Variants in NAALADL2 observed in about 807,000 individuals in gnomAD.
NAALADL2 encodes the protein inactive N-acetylated-alpha-linked acidic dipeptidase-like protein 2.
Under a neutral mutation model 87.2 loss-of-function variants are expected in NAALADL2, and 76 were observed. That is an observed-to-expected ratio of 0.87 (90% CI 0.72 to 1.05). NAALADL2 has a LOEUF of 1.05. Ranked by LOEUF, NAALADL2 falls within the 50% of genes least tolerant of loss-of-function variation. NAALADL2 has a pLI of 0.00. For synonymous variants in NAALADL2, 354 were observed against 331.0 expected, an observed-to-expected ratio of 1.07 and a Z score of -0.75; for missense variants, 1,089 against 945.8, an observed-to-expected ratio of 1.15 and a Z score of -1.99.
At chr3:174,875,532 A>G (rs1385868404) in intron 1 of NAALADL2, among the ~76,000 whole-genome samples, 1 of 152,176 alleles carries the variant, frequency 6.6e-6, no homozygotes, top group Non-Finnish European at 1.5e-5. Flanking sequence ...CAGTAATCTC[A>G]ACAGCATTAA....
intron 1 of NAALADL2, among the ~76,000 whole-genome samples, chr3:174,502,519 A>C (rs2108371858): frequency 6.6e-6 from 1 of 152,284 alleles, no homozygotes; most frequent in South Asian, 2.1e-4. Flanking sequence ...TCATTAAATT[A>C]CCTCAAATCT....
intron 1 of NAALADL2, among the ~76,000 whole-genome samples, chr3:174,478,105 A>G (rs1281742612): frequency 6.6e-6 from 1 of 152,182 alleles, no homozygotes; most frequent in Non-Finnish European, 1.5e-5. Context: ...TCCAATTATG[A>G]TACAAAATTT....
chr3:174,859,237 A>G (rs1470983059), upstream of NAALADL2: 1 of 600,302 alleles, frequency 1.7e-6, no homozygotes, highest in Admixed American at 2.8e-5. Flanking sequence ...TCATAGTAAA[A>G]CAGGTCCTGC....
At chr3:175,620,417 A>G (rs1726050929) in intron 10 of NAALADL2, among the ~76,000 whole-genome samples, 1 of 152,196 alleles carries the variant, frequency 6.6e-6, no homozygotes, top group African/African-American at 2.4e-5. Flanking sequence ...AAACTAAAAG[A>G]GATGCCAGCA....
intron 1 of NAALADL2, among the ~76,000 whole-genome samples, chr3:174,940,912 G>T (rs1405823054): frequency 6.6e-6 from 1 of 151,602 alleles, no homozygotes; most frequent in Non-Finnish European, 1.5e-5. Flanking sequence ...TTCTTTATTG[G>T]TCTAGCTAGC....
chr3:175,197,436 G>T (rs71312320), intron 2 of NAALADL2, among the ~76,000 whole-genome samples: 1 of 151,726 alleles, frequency 6.6e-6, no homozygotes, highest in Non-Finnish European at 1.5e-5. Context: ...ATTAGTCTGC[G>T]AAGTTTTTCA....
intron 5 of NAALADL2, among the ~76,000 whole-genome samples, chr3:175,420,990 T>C (rs905282912): frequency 6.6e-6 from 1 of 152,066 alleles, no homozygotes; most frequent in East Asian, 1.9e-4. Context: ...TTAGAAGTAT[T>C]TAATTAGAAG....
intron 3 of NAALADL2, among the ~76,000 whole-genome samples, chr3:174,818,556 C>T (rs1721049981): frequency 6.6e-6 from 1 of 152,104 alleles, no homozygotes; most frequent in South Asian, 2.1e-4. Flanking sequence ...AAAACACATA[C>T]CAGGAAACTG....
chr3:174,478,528 A>G lies in NAALADL2; in HGVS notation c.-184+37496A>G, dbSNP rs145072662. Among the ~76,000 whole-genome samples, 258 of 152,262 alleles carry G rather than the reference A, an allele frequency of 1.7e-3. 1 individual carries two copies. The highest frequency in any genetic ancestry group is 6.1e-3 in the African/African-American group (252 of 41,568). Reference sequence around the variant, plus strand: ...TTGGAATTTCTCCCCCTAATTCTATAAAAATATAGTACTCATTGATAGCCT... The same window carrying G: ...TTGGAATTTCTCCCCCTAATTCTATGAAAATATAGTACTCATTGATAGCCT... On this transcript the variant is annotated intron_variant, in intron 1 of 3. Coordinates refer to the NAALADL2 transcript ENST00000434257.
At chr3:175,776,867 TATG>T (rs1369550688) in intron 13 of NAALADL2, among the ~76,000 whole-genome samples, 1 of 152,136 alleles carries the variant, frequency 6.6e-6, no homozygotes, top group African/African-American at 2.4e-5. Flanking sequence ...ATGTCTTTAT[TATG>T]CTCAGAAAAT....
chr3:175,188,455 A>T (rs1387038529), intron 2 of NAALADL2, among the ~76,000 whole-genome samples: 11 of 152,058 alleles, frequency 7.2e-5, no homozygotes, highest in Admixed American at 2.0e-4. Flanking sequence ...GATGTGATGC[A>T]CTTTCCCTTG....
At chr3:175,082,391 T>A (rs750503307) in intron 1 of NAALADL2, among the ~76,000 whole-genome samples, 21 of 152,226 alleles carry the variant, frequency 1.4e-4, no homozygotes, top group Non-Finnish European at 2.6e-4. Flanking sequence ...ATTATGCAAC[T>A]AATTTGACTA....
At chr3:174,837,581 G>A (rs762034909) in intron 3 of NAALADL2, among the ~76,000 whole-genome samples, 4 of 152,140 alleles carry the variant, frequency 2.6e-5, no homozygotes, top group Admixed American at 6.5e-5. Context: ...ATCACCTGAG[G>A]TCAGGAGTTT....
At chr3:175,044,271 C>G (rs1193814960) in intron 1 of NAALADL2, among the ~76,000 whole-genome samples, 2 of 151,920 alleles carry the variant, frequency 1.3e-5, no homozygotes, top group Non-Finnish European at 2.9e-5. Context: ...AGGGATTTTC[C>G]TATTTTTGGA....
chr3:174,990,265 T>C (rs1746534857), intron 1 of NAALADL2, among the ~76,000 whole-genome samples: 1 of 152,324 alleles, frequency 6.6e-6, no homozygotes, highest in South Asian at 2.1e-4. Flanking sequence ...TTTTGCTGTT[T>C]TATCTGATCA....
At chr3:175,756,826 T>C (rs760181034) in intron 13 of NAALADL2, among the ~76,000 whole-genome samples, 2 of 152,028 alleles carry the variant, frequency 1.3e-5, no homozygotes, top group African/African-American at 2.4e-5. Context: ...AAAAAGATTA[T>C]GGCATATTTA....
chr3:174,792,781 C>A (rs776232996), intron 3 of NAALADL2, among the ~76,000 whole-genome samples: 1 of 152,056 alleles, frequency 6.6e-6, no homozygotes, highest in Admixed American at 6.6e-5. Context: ...ATTAAGAATA[C>A]GATGCTATTC....
chr3:174,637,110 G>A (rs1722725933), intron 2 of NAALADL2, among the ~76,000 whole-genome samples: 1 of 152,110 alleles, frequency 6.6e-6, no homozygotes, highest in African/African-American at 2.4e-5. Context: ...ATATATGAGA[G>A]TGAAAAATGT....
intron 3 of NAALADL2, among the ~76,000 whole-genome samples, chr3:174,813,896 G>A (rs904063524): frequency 6.6e-6 from 1 of 151,994 alleles, no homozygotes; most frequent in African/African-American, 2.4e-5. Context: ...TGCATGTATA[G>A]TATAGCTCTT....
Sources: allele counts gnomAD v4.1 joint callset (sites outside exome capture counted in the v4.1 genomes callset), GRCh38; gene constraint gnomAD v4.1.1; transcripts MANE v1.5; gene names NCBI Gene and HGNC (gene_info 2026-07-23, HGNC 2026-07-21).